Variants in CSMD1 observed in about 807,000 individuals in gnomAD.
CSMD1 encodes the protein CUB and sushi domain-containing protein 1.
CSMD1 carries 213 observed loss-of-function variants against 417.5 expected under a neutral mutation model. The ratio of observed to expected loss-of-function variants is 0.51; its 90% confidence interval spans 0.46 to 0.57. The LOEUF (loss-of-function observed/expected upper bound fraction) is 0.57, where lower values mean the gene tolerates loss of function less well. CSMD1 is among the 20% of genes least tolerant of loss of function. The pLI is 0.00. For synonymous variants in CSMD1, 2,862 were observed against 1,736.8 expected (o/e 1.65, Z -16.11); for missense variants, 6,923 against 4,529.7 (o/e 1.53, Z -15.17).
chr8:4,788,282 A>G (rs4875118), intron 1 of CSMD1: 20,629 of 1,589,950 alleles, frequency 0.013, 219 homozygotes, highest in South Asian at 0.033. Context: ...TTCCTACTGT[A>G]TTTGTGGCAG....
intron 39 of CSMD1, among the ~76,000 whole-genome samples, chr8:3,153,149 G>A (rs1819305731): frequency 6.6e-6 from 1 of 152,138 alleles, no homozygotes; most frequent in Non-Finnish European, 1.5e-5. Context: ...ACCCACCAAA[G>A]CCAAGATGGC....
intron 2 of CSMD1, among the ~76,000 whole-genome samples, chr8:4,536,958 T>C (rs569570028): frequency 6.6e-6 from 1 of 152,288 alleles, no homozygotes; most frequent in Admixed American, 6.5e-5. Flanking sequence ...AAATGAGAAA[T>C]GGCATATCAT....
At chr8:4,345,897 T>C (rs1281803881) in intron 3 of CSMD1, among the ~76,000 whole-genome samples, 1 of 152,140 alleles carries the variant, frequency 6.6e-6, no homozygotes, top group Non-Finnish European at 1.5e-5. Context: ...TGAGTCTGTG[T>C]ATTCAGTCAA....
chr8:4,064,801 C>T (rs534035732), intron 3 of CSMD1, among the ~76,000 whole-genome samples: 3 of 152,192 alleles, frequency 2.0e-5, no homozygotes, highest in East Asian at 1.9e-4. Context: ...CCTGTACTCC[C>T]GGTGATCTTG....
chr8:3,140,537 T>A (rs973129700), intron 41 of CSMD1, among the ~76,000 whole-genome samples: 14 of 152,174 alleles, frequency 9.2e-5, no homozygotes. Flanking sequence ...TTTTTGCTCC[T>A]ACCTAGATTT....
intron 3 of CSMD1, among the ~76,000 whole-genome samples, chr8:4,061,243 G>C (rs1212235685): frequency 2.6e-5 from 4 of 152,184 alleles, no homozygotes; most frequent in Admixed American, 6.5e-5. Flanking sequence ...AAGAGGAGCT[G>C]TTCTAAGTTA....
chr8:3,984,569 G>T (rs978373226), intron 5 of CSMD1, among the ~76,000 whole-genome samples: 10 of 151,082 alleles, frequency 6.6e-5, no homozygotes, highest in Non-Finnish European at 1.5e-4. Flanking sequence ...TATATATATA[G>T]CCAAGTACAA....
At chr8:3,749,273 C>T (rs1584941091) in intron 6 of CSMD1, among the ~76,000 whole-genome samples, 3 of 152,138 alleles carry the variant, frequency 2.0e-5, no homozygotes, top group Admixed American at 2.0e-4. Flanking sequence ...TTACATTCAA[C>T]CACAGCCCAA....
chr8:3,691,697 C>T (rs7815287), intron 7 of CSMD1, among the ~76,000 whole-genome samples: 46,788 of 151,888 alleles, frequency 0.31, 7,838 homozygotes, highest in South Asian at 0.41. Context: ...ATGTAATAAA[C>T]AAATAAAACC....
chr8:4,171,203 T>C (rs949713362), intron 3 of CSMD1, among the ~76,000 whole-genome samples: 1 of 151,854 alleles, frequency 6.6e-6, no homozygotes, highest in Non-Finnish European at 1.5e-5. Context: ...CACAGACCTG[T>C]GTGAAACCTA....
intron 3 of CSMD1, among the ~76,000 whole-genome samples, chr8:4,293,433 T>A (rs1449763933): frequency 6.6e-6 from 1 of 152,210 alleles, no homozygotes; most frequent in Admixed American, 6.6e-5. Context: ...AAAAGTGTTT[T>A]AAAAAAATTA....
At chr8:4,075,318 C>T (rs188938561) in intron 3 of CSMD1, among the ~76,000 whole-genome samples, 2 of 151,978 alleles carry the variant, frequency 1.3e-5, no homozygotes, top group South Asian at 2.1e-4. Flanking sequence ...AACATAAATA[C>T]CTTCACCTAA....
At chr8:4,065,309 C>T (rs77567889) in intron 3 of CSMD1, among the ~76,000 whole-genome samples, 2 of 152,172 alleles carry the variant, frequency 1.3e-5, no homozygotes, top group South Asian at 2.1e-4. Context: ...CAGTAGCACA[C>T]TGAACTTTTA....
intron 3 of CSMD1, among the ~76,000 whole-genome samples, chr8:4,126,690 G>A (rs555381430): frequency 2.6e-5 from 4 of 152,100 alleles, no homozygotes; most frequent in Non-Finnish European, 4.4e-5. Context: ...TTAATCATTG[G>A]TTGGTTACTT....
intron 10 of CSMD1, among the ~76,000 whole-genome samples, chr8:3,518,738 G>T (rs1300499254): frequency 6.6e-6 from 1 of 152,162 alleles, no homozygotes. Context: ...CTTGAGGAAT[G>T]TGGAGAAGAA....
chr8:4,083,643 G>A (rs1402095131), intron 3 of CSMD1, among the ~76,000 whole-genome samples: 1 of 152,130 alleles, frequency 6.6e-6, no homozygotes, highest in Non-Finnish European at 1.5e-5. Context: ...GCCATATGTA[G>A]AAAGCTGAAA....
chr8:4,451,898 A>G (rs1799169108), intron 2 of CSMD1, among the ~76,000 whole-genome samples: 1 of 150,940 alleles, frequency 6.6e-6, no homozygotes, highest in Admixed American at 6.6e-5. Flanking sequence ...TTTCTTCCAC[A>G]CTAAAATGAT....
At chr8:3,431,871 G>C (rs541098196) in intron 12 of CSMD1, among the ~76,000 whole-genome samples, 2 of 152,308 alleles carry the variant, frequency 1.3e-5, no homozygotes, top group African/African-American at 4.8e-5. Flanking sequence ...CCCACAGTGA[G>C]ATAAGATATC....
At chr8:3,183,064 A>T (rs73657602) in intron 36 of CSMD1, 2,555 of 151,894 alleles carry the variant, frequency 0.017, 69 homozygotes, top group African/African-American at 0.059. Flanking sequence ...GGCCTAGAAG[A>T]GGCTTTTTAA....
Sources: gnomAD v4.1 joint callset for allele counts (sites outside exome capture counted in the v4.1 genomes callset) on GRCh38, gnomAD v4.1.1 for gene constraint, MANE v1.5 for transcripts, NCBI Gene and HGNC (gene_info 2026-07-23, HGNC 2026-07-21) for gene names.